CCDC141: variants seen among roughly 807,000 people sequenced by gnomAD.
CCDC141 encodes coiled-coil domain-containing protein 141.
CCDC141 carries 168 observed loss-of-function variants against 181.0 expected under a neutral mutation model. That is an observed-to-expected ratio of 0.93 (90% confidence interval 0.82 to 1.05). The LOEUF is 1.05. Among genes scored for constraint, CCDC141 ranks in the 50% least tolerant of loss-of-function variants. CCDC141 has a pLI of 0.00. For missense variants in CCDC141, 1,902 were observed against 1,788.5 expected (o/e 1.06, Z -1.14); for synonymous variants, 666 against 642.3 (o/e 1.04, Z -0.56).
chr2:179,041,860 C>T (rs2154388994), intron 2 of CCDC141, among the ~76,000 whole-genome samples: 1 of 152,246 alleles, frequency 6.6e-6, no homozygotes, highest in Admixed American at 6.5e-5. Flanking sequence ...ACAAGAAGAG[C>T]TGAATATCCT....
chr2:179,034,237 G>T (rs1162420323), intron 2 of CCDC141, among the ~76,000 whole-genome samples: 1 of 152,132 alleles, frequency 6.6e-6, no homozygotes, highest in Non-Finnish European at 1.5e-5. Flanking sequence ...GCAAACTAAA[G>T]GAGGAACAGA....
At chr2:178,955,292 A>AAATAAT (rs560058752) in intron 5 of CCDC141, among the ~76,000 whole-genome samples, 1 of 151,658 alleles carries the variant, frequency 6.6e-6, no homozygotes, top group African/African-American at 2.4e-5. Flanking sequence ...CTCAAAAAGA[A>AAATAAT]AATAATAATA....
chr2:178,874,425 A>G (rs1686265698), intron 12 of CCDC141: 1 of 152,238 alleles, frequency 6.6e-6, no homozygotes, highest in Non-Finnish European at 1.5e-5. Flanking sequence ...ATTGAATATT[A>G]TGATAACCTA....
At chr2:178,838,845 A>T (rs772589886) in intron 22 of CCDC141, among the ~76,000 whole-genome samples, 26 of 152,186 alleles carry the variant, frequency 1.7e-4, no homozygotes, top group Non-Finnish European at 3.5e-4. Flanking sequence ...TCTAATCCAC[A>T]TCCATCTCTG....
chr2:179,024,645 T>G (rs955986820), intron 2 of CCDC141, among the ~76,000 whole-genome samples: 1 of 152,206 alleles, frequency 6.6e-6, no homozygotes, highest in Non-Finnish European at 1.5e-5. Context: ...AGAGCAATGA[T>G]AATTTCCTCA....
chr2:179,028,666 T>G (rs1038040688), intron 2 of CCDC141, among the ~76,000 whole-genome samples: 8 of 152,218 alleles, frequency 5.3e-5, no homozygotes, highest in African/African-American at 1.9e-4. Context: ...TCCCTCACTA[T>G]CTATGTAAAA....
intron 2 of CCDC141, among the ~76,000 whole-genome samples, chr2:179,017,079 C>A (rs936016231): frequency 6.6e-6 from 1 of 151,780 alleles, no homozygotes; most frequent in South Asian, 2.1e-4. Flanking sequence ...TCATACAGCA[C>A]GAATATTTGT....
At chr2:178,962,638 C>T (rs111251866) in intron 4 of CCDC141, among the ~76,000 whole-genome samples, 1 of 147,868 alleles carries the variant, frequency 6.8e-6, no homozygotes, top group Admixed American at 6.9e-5. Context: ...TTCTTTCTTT[C>T]CTTTCCTTCT....
At chr2:178,981,656 A>ATG (rs1457969805) in intron 2 of CCDC141, among the ~76,000 whole-genome samples, 39 of 136,716 alleles carry the variant, frequency 2.9e-4, no homozygotes, top group Non-Finnish European at 1.1e-4. Context: ...ATATATATAT[A>ATG]TACATACATA....
chr2:178,846,925 C>T, intron 21 of CCDC141, among the ~76,000 whole-genome samples: 1 of 152,122 alleles, frequency 6.6e-6, no homozygotes, highest in East Asian at 1.9e-4. Flanking sequence ...AATTGCTGAG[C>T]CCATTTTCTA....
At chr2:178,980,460 A>G (rs1691325339) in intron 2 of CCDC141, among the ~76,000 whole-genome samples, 1 of 152,226 alleles carries the variant, frequency 6.6e-6, no homozygotes, top group Non-Finnish European at 1.5e-5. Context: ...AAAAAAAGAA[A>G]AAAAAATGCA....
At chr2:178,929,484 G>A (rs141740225) in intron 6 of CCDC141, among the ~76,000 whole-genome samples, 95 of 152,184 alleles carry the variant, frequency 6.2e-4, no homozygotes, top group African/African-American at 2.0e-3. Context: ...CCCACGAGAC[G>A]TATAAGTAGC....
intron 15 of CCDC141, 123 bp from the exon 16 acceptor site, chr2:178,868,328 G>GTTTTT: frequency 1.4e-6 from 1 of 721,346 alleles, no homozygotes; most frequent in Non-Finnish European, 2.3e-6. Context: ...TCTTTAAACT[G>GTTTTT]TTGGCATTAG....
chr2:179,015,400 T>G (rs1239413282), intron 2 of CCDC141, among the ~76,000 whole-genome samples: 1 of 108,634 alleles, frequency 9.2e-6, no homozygotes, highest in Non-Finnish European at 1.8e-5. Flanking sequence ...GTATCATATA[T>G]CTCATATATG....
chr2:178,952,515 C>T lies in CCDC141; in HGVS notation c.781-7864G>A, dbSNP rs766669031. Among the ~76,000 whole-genome samples, 131 of 152,200 alleles carry T rather than the reference C, an allele frequency of 8.6e-4. 1 individual carries two copies. Among genetic ancestry groups the T allele is most frequent in the Non-Finnish European group, 3.2e-4 (22 of 68,034 alleles). The stretch of plus-strand genomic sequence containing the variant: ...TAAATATAAAAGCTAGGATTGGTAT[C>T]CATGCCATCTGCACCAGAGTCCTGT... On this transcript the variant is annotated intron_variant, in intron 5 of 23. Coordinates refer to ENST00000443758, the MANE Select transcript of CCDC141 (RefSeq NM_173648.4).
chr2:178,919,745 A>G, intron 6 of CCDC141, among the ~76,000 whole-genome samples: 1 of 152,236 alleles, frequency 6.6e-6, no homozygotes, highest in East Asian at 1.9e-4. Context: ...AATTACAGCT[A>G]TTAGGTTGGT....
intron 2 of CCDC141, among the ~76,000 whole-genome samples, chr2:179,015,067 G>GAGAGAT (rs1452838868): frequency 5.1e-5 from 2 of 39,602 alleles, no homozygotes; most frequent in East Asian, 1.4e-3. Context: ...GAGAGACAGA[G>GAGAGAT]ATATATATAT....
chr2:178,963,878 C>T (rs1690509622), intron 4 of CCDC141, among the ~76,000 whole-genome samples: 1 of 146,178 alleles, frequency 6.8e-6, no homozygotes, highest in Admixed American at 7.2e-5. Flanking sequence ...AAACGAATGA[C>T]AAAAACAACC....
chr2:178,961,357 A>G lies in CCDC141; in HGVS notation c.653T>C (p.Leu218Pro). The part of the protein sequence containing the change: ...ELTQGAHSSC[L>P]KVDRLLELLQ... The stretch of plus-strand genomic sequence containing the variant: ...AAGTTCAAGAAGGCGGTCAACCTTC[A>G]GACAGCTGCTATGAGCTCCCTGAGT... Residue 218 changes from leucine (L) to proline (P), a missense_variant, in exon 5 of 24, where the codon CTG (leucine) becomes CCG (proline). Transcript: ENST00000443758. 6.4e-7 allele frequency: 1 copy of G among 1,550,662 alleles called. No homozygotes were observed. Among genetic ancestry groups the G allele is most frequent in the South Asian group, 1.2e-5 (1 of 84,062 alleles).
Sources: gnomAD v4.1 joint callset for allele counts (sites outside exome capture counted in the v4.1 genomes callset) on GRCh38, gnomAD v4.1.1 for gene constraint, MANE v1.5 for transcripts, NCBI Gene and HGNC (gene_info 2026-07-23, HGNC 2026-07-21) for gene names.